The following LRFN2 variants were observed in gnomAD, a reference collection of about 807,000 sequenced individuals.
LRFN2 encodes the protein leucine rich repeat and fibronectin type III domain containing 2.
A neutral mutation model predicts 37.3 loss-of-function variants in LRFN2; 18 were observed. The ratio of observed to expected loss-of-function variants is 0.48; its 90% confidence interval spans 0.33 to 0.72. The LOEUF (loss-of-function observed/expected upper bound fraction) is 0.72, where lower values mean the gene tolerates loss of function less well. LRFN2 is among the 30% of genes least tolerant of loss of function. The probability of loss-of-function intolerance (pLI) is 0.02; values close to 1 mark genes in which losing one functional copy is unlikely to be tolerated. For missense variants in LRFN2, 1,006 were observed against 1,060.7 expected, an observed-to-expected ratio of 0.95 and a Z score of 0.72; for synonymous variants, 556 against 466.6, an observed-to-expected ratio of 1.19 and a Z score of -2.47.
chr6:40,413,576 G>C (rs1474682668), intron 2 of LRFN2, among the ~76,000 whole-genome samples: 1 of 152,186 alleles, frequency 6.6e-6, no homozygotes, highest in African/African-American at 2.4e-5. Context: ...GAGCAGCCAT[G>C]GTTCAAGTGG....
At chr6:40,514,166 C>T (rs1174264534) in intron 1 of LRFN2, among the ~76,000 whole-genome samples, 1 of 152,112 alleles carries the variant, frequency 6.6e-6, no homozygotes, top group African/African-American at 2.4e-5. Flanking sequence ...CCAAGGAATG[C>T]TCTACAGGGT....
chr6:40,428,293 T>A (rs1763400004), intron 2 of LRFN2, among the ~76,000 whole-genome samples: 1 of 152,214 alleles, frequency 6.6e-6, no homozygotes, highest in Non-Finnish European at 1.5e-5. Flanking sequence ...CCAATCAACA[T>A]TTTTTCTTCT....
chr6:40,470,702 C>A (rs573425870), intron 1 of LRFN2, among the ~76,000 whole-genome samples: 35 of 152,278 alleles, frequency 2.3e-4, no homozygotes, highest in Admixed American at 7.8e-4. Flanking sequence ...AGTGGTGAGC[C>A]CCTCTCACCC....
chr6:40,470,754 C>T (rs1226351889), intron 1 of LRFN2, among the ~76,000 whole-genome samples: 1 of 152,244 alleles, frequency 6.6e-6, no homozygotes, highest in Non-Finnish European at 1.5e-5. Context: ...CTTGCCTCAG[C>T]TCCTGCATTG....
At chr6:40,552,720 A>T (rs759678670) in intron 1 of LRFN2, among the ~76,000 whole-genome samples, 2 of 152,204 alleles carry the variant, frequency 1.3e-5, no homozygotes, top group Non-Finnish European at 2.9e-5. Flanking sequence ...TCATTAAAAG[A>T]TTTTTAGAAA....
At chr6:40,430,341 A>T (rs1278523556) in intron 2 of LRFN2, among the ~76,000 whole-genome samples, 1 of 152,184 alleles carries the variant, frequency 6.6e-6, no homozygotes, top group Non-Finnish European at 1.5e-5. Context: ...AGACTCATCA[A>T]CTCAGACAGT....
chr6:40,434,283 G>C (rs1763588493), intron 1 of LRFN2, among the ~76,000 whole-genome samples: 1 of 150,152 alleles, frequency 6.7e-6, no homozygotes, highest in South Asian at 2.1e-4. Flanking sequence ...TCTGACTCAA[G>C]TCTTTGCGCC....
intron 1 of LRFN2, among the ~76,000 whole-genome samples, chr6:40,547,766 A>G (rs1168480001): frequency 1.3e-5 from 2 of 152,094 alleles, no homozygotes; most frequent in African/African-American, 2.4e-5. Context: ...ATACCTGGTG[A>G]GACACCTTTT....
chr6:40,474,147 T>C (rs552195014), intron 1 of LRFN2, among the ~76,000 whole-genome samples: 1 of 152,258 alleles, frequency 6.6e-6, no homozygotes, highest in East Asian at 1.9e-4. Flanking sequence ...GCCTTGTGTA[T>C]TTGTTTCCTG....
chr6:40,408,176 G>A (rs1029856765), intron 2 of LRFN2, among the ~76,000 whole-genome samples: 12 of 152,258 alleles, frequency 7.9e-5, no homozygotes, highest in Non-Finnish European at 1.2e-4. Flanking sequence ...ACAATATGAT[G>A]TATTTAGTGC....
At chr6:40,516,298 T>C (rs1581768856) in intron 1 of LRFN2, 1 of 152,368 alleles carries the variant, frequency 6.6e-6, no homozygotes, top group Middle Eastern at 3.4e-3. Context: ...TGTTTAGGGT[T>C]CCAGATATCC....
intron 1 of LRFN2, among the ~76,000 whole-genome samples, chr6:40,575,538 A>G (rs1767262663): frequency 2.6e-5 from 4 of 152,124 alleles, no homozygotes; most frequent in African/African-American, 9.7e-5. Flanking sequence ...GGCCCTAACC[A>G]TCTGTGGATA....
At chr6:40,553,534 G>A (rs868515563) in intron 1 of LRFN2, among the ~76,000 whole-genome samples, 1 of 152,142 alleles carries the variant, frequency 6.6e-6, no homozygotes, top group Non-Finnish European at 1.5e-5. Context: ...TTGTAAATAG[G>A]GGAGGTCTTT....
intron 1 of LRFN2, among the ~76,000 whole-genome samples, chr6:40,450,366 G>C (rs1330082269): frequency 6.6e-6 from 1 of 152,360 alleles, no homozygotes; most frequent in Middle Eastern, 3.4e-3. Flanking sequence ...TTGGGAGAGA[G>C]GAGTGAAGGC....
intron 1 of LRFN2, among the ~76,000 whole-genome samples, chr6:40,436,383 T>C (rs1164653665): frequency 6.6e-6 from 1 of 152,258 alleles, no homozygotes; most frequent in African/African-American, 2.4e-5. Context: ...TGTGCCACCA[T>C]GGCAGAGGTG....
chr6:40,394,079 T>C (rs1417592408), intron 2 of LRFN2, among the ~76,000 whole-genome samples: 2 of 152,112 alleles, frequency 1.3e-5, no homozygotes, highest in Admixed American at 1.3e-4. Flanking sequence ...AGAGTTTCTT[T>C]AGTAGAAGAC....
chr6:40,402,720 G>C (rs1330764024), intron 2 of LRFN2, among the ~76,000 whole-genome samples: 1 of 152,156 alleles, frequency 6.6e-6, no homozygotes, highest in Non-Finnish European at 1.5e-5. Context: ...CTCAATTCAT[G>C]TTCATGATAA....
At position 40,432,019 on chromosome 6, in the gene LRFN2, G is replaced by A. The variant is rs571867671; in HGVS notation, c.1095C>T (p.Ala365=). 55 of 1,613,820 alleles carry A rather than the reference G, an allele frequency of 3.4e-5. No individual in the cohort carries two copies. The highest frequency in any genetic ancestry group is 2.6e-4 in the South Asian group (24 of 91,086). ...GAFTCIAANA[A]GEATAMVEVS... The stretch of plus-strand genomic sequence containing the variant: ...CCTCCACCATGGCCGTGGCCTCTCC[G>A]GCAGCATTGGCAGCAATGCAGGTGA... Residue 365 remains alanine (A), a synonymous_variant, in exon 2 of 3, where the codon GCC becomes GCT. Transcript: ENST00000338305.
intron 1 of LRFN2, among the ~76,000 whole-genome samples, chr6:40,501,147 C>T (rs1310083824): frequency 6.6e-6 from 1 of 151,102 alleles, no homozygotes; most frequent in African/African-American, 2.4e-5. Context: ...CAAATGCCTA[C>T]ATATATATCT....
Sources: gnomAD v4.1 joint callset for allele counts (sites outside exome capture counted in the v4.1 genomes callset) on GRCh38, gnomAD v4.1.1 for gene constraint, MANE v1.5 for transcripts, NCBI Gene and HGNC (gene_info 2026-07-23, HGNC 2026-07-21) for gene names.